NCALD: variants seen among roughly 807,000 people sequenced by gnomAD.
The protein encoded by NCALD is neurocalcin-delta.
A neutral mutation model predicts 18.6 loss-of-function variants in NCALD; 10 were observed. That is an observed-to-expected ratio of 0.54 (90% CI 0.33 to 0.91). The LOEUF (loss-of-function observed/expected upper bound fraction) is 0.91, where lower values mean the gene tolerates loss of function less well. Among genes scored for constraint, NCALD ranks in the 40% least tolerant of loss-of-function variants. The pLI is 0.03. For missense variants in NCALD, 184 were observed against 247.6 expected (o/e 0.74, Z 1.72); for synonymous variants, 88 against 87.4 (o/e 1.01, Z -0.04).
chr8:101,997,381 T>A (rs1256259402), intron 2 of NCALD, among the ~76,000 whole-genome samples: 3 of 152,160 alleles, frequency 2.0e-5, no homozygotes, highest in Admixed American at 6.5e-5. Context: ...CTTTTATTTT[T>A]TTTTTCCTGG....
At chr8:102,112,507 CCAAA>C (rs1825672329) in intron 1 of NCALD, among the ~76,000 whole-genome samples, 2 of 152,076 alleles carry the variant, frequency 1.3e-5, no homozygotes, top group South Asian at 2.1e-4. Flanking sequence ...TATCAACTAA[CCAAA>C]CAAATTGGCT....
Position 101,688,685 on chromosome 8 carries a change from C to T in NCALD, c.*624G>A, listed in dbSNP as rs1340427607. 3 of 470,530 alleles carry T rather than the reference C, an allele frequency of 6.4e-6. No homozygotes were observed. The highest frequency in any genetic ancestry group is 1.3e-5 in the Non-Finnish European group (3 of 236,702). 29.1% of individuals were successfully genotyped at this position (470,530 alleles called of 1,614,324 possible). A position where few individuals can be genotyped will look rare whatever the true frequency, so the allele number is the denominator to read the frequency against. On this transcript the variant is annotated 3_prime_UTR_variant, in exon 4 of 4. Coordinates refer to ENST00000220931, the MANE Select transcript of NCALD (RefSeq NM_032041.3). ...CGCATATTAGCTCAACTAGTGTAAA[C>T]CTGTGAAAAAATAGCTGAGCCATCT...
intron 1 of NCALD, among the ~76,000 whole-genome samples, chr8:102,021,089 T>C (rs1313480333): frequency 6.6e-6 from 1 of 152,226 alleles, no homozygotes; most frequent in Non-Finnish European, 1.5e-5. Flanking sequence ...ATTTTTTCTT[T>C]TGTAACATCA....
chr8:101,737,815 A>G (rs1246056540), intron 1 of NCALD, among the ~76,000 whole-genome samples: 1 of 152,202 alleles, frequency 6.6e-6, no homozygotes, highest in African/African-American at 2.4e-5. Context: ...AGCACTGAGA[A>G]AGGCGCTGGC....
At chr8:102,047,437 T>C (rs1823285920) in intron 1 of NCALD, among the ~76,000 whole-genome samples, 1 of 152,228 alleles carries the variant, frequency 6.6e-6, no homozygotes, top group South Asian at 2.1e-4. Flanking sequence ...AAAGGTTCTA[T>C]ATTTTCACCG....
intron 3 of NCALD, among the ~76,000 whole-genome samples, chr8:101,900,801 AATT>A (rs1284476789): frequency 7.2e-5 from 11 of 151,736 alleles, no homozygotes; most frequent in African/African-American, 2.7e-4. Context: ...TTTGTTAGTC[AATT>A]CTTCTGTTGT....
chr8:101,795,511 A>G (rs1311267356), upstream of NCALD, among the ~76,000 whole-genome samples: 1 of 152,210 alleles, frequency 6.6e-6, no homozygotes, highest in African/African-American at 2.4e-5. Flanking sequence ...ACAGGCACAC[A>G]GGACGAAGAC....
At position 101,688,818 on chromosome 8, in the gene NCALD, T is replaced by C; in HGVS notation, c.*491A>G. 1.6e-6 allele frequency: 1 copy of C among 629,504 alleles called. No homozygotes were observed. The allele number at this position is 629,504 out of a possible 1,614,324, so 39.0% of individuals were successfully genotyped here. On this transcript the variant is annotated 3_prime_UTR_variant, in exon 4 of 4. Transcript: ENST00000220931. ...CCCATGGGGAAATGTCCCAGCTCGC[T>C]GGAATAGCCTCACCCCAGAGGGTAA...
intron 4 of NCALD, among the ~76,000 whole-genome samples, chr8:101,844,624 G>T (rs1168961094): frequency 6.6e-6 from 1 of 151,952 alleles, no homozygotes; most frequent in Non-Finnish European, 1.5e-5. Flanking sequence ...GCCTCCCAAC[G>T]TGCTGGGATT....
intron 1 of NCALD, among the ~76,000 whole-genome samples, chr8:102,075,092 C>T (rs552796745): frequency 6.6e-6 from 1 of 152,248 alleles, no homozygotes; most frequent in South Asian, 2.1e-4. Flanking sequence ...GTCCCCTGGC[C>T]AGTTAGCTGT....
At chr8:101,859,760 T>G (rs1218183059) in intron 4 of NCALD, among the ~76,000 whole-genome samples, 2 of 152,166 alleles carry the variant, frequency 1.3e-5, no homozygotes, top group Non-Finnish European at 2.9e-5. Flanking sequence ...CAAGATGTCC[T>G]TGTTCTATTA....
At chr8:101,926,136 C>T (rs1433578508) in intron 2 of NCALD, among the ~76,000 whole-genome samples, 2 of 152,180 alleles carry the variant, frequency 1.3e-5, no homozygotes, top group Non-Finnish European at 2.9e-5. Flanking sequence ...CCCTCCTGGG[C>T]ATTTAAATCT....
intron 2 of NCALD, among the ~76,000 whole-genome samples, chr8:101,954,019 C>G (rs1219760551): frequency 6.6e-6 from 1 of 152,148 alleles, no homozygotes; most frequent in Non-Finnish European, 1.5e-5. Flanking sequence ...CTGTAGACAC[C>G]ATGGTGAGAA....
At chr8:102,104,624 T>A (rs1825388384) in intron 1 of NCALD, among the ~76,000 whole-genome samples, 1 of 152,112 alleles carries the variant, frequency 6.6e-6, no homozygotes, top group Non-Finnish European at 1.5e-5. Flanking sequence ...AAACCTTTAT[T>A]ACAGCTGTCC....
chr8:101,747,346 T>C (rs968184957), intron 1 of NCALD, among the ~76,000 whole-genome samples: 1 of 152,188 alleles, frequency 6.6e-6, no homozygotes, highest in Non-Finnish European at 1.5e-5. Flanking sequence ...TCCTTGCTAA[T>C]AAGATGGAAC....
In NCALD at chr8:101,688,137, T is replaced by C. The variant is rs537830540; in HGVS notation, c.*1172A>G. 8.3e-5 allele frequency: 13 copies of C among 156,438 alleles called. No individual in the cohort carries two copies. The highest frequency in any genetic ancestry group is 2.9e-4 in the African/African-American group (12 of 41,578). 9.7% of individuals were successfully genotyped at this position (156,438 alleles called of 1,614,324 possible). A position where few individuals can be genotyped will look rare whatever the true frequency, so the allele number is the denominator to read the frequency against. On this transcript the variant is annotated 3_prime_UTR_variant, in exon 4 of 4. Coordinates refer to ENST00000220931, the MANE Select transcript of NCALD (RefSeq NM_032041.3). Reference sequence around the variant, plus strand: ...TCGAGTCTGCAGAGTATTGATCTGCTCAGAAAAGCACCATGCCGCCAGTCT... The same window carrying C: ...TCGAGTCTGCAGAGTATTGATCTGCCCAGAAAAGCACCATGCCGCCAGTCT...
intron 4 of NCALD, among the ~76,000 whole-genome samples, chr8:101,827,135 C>A (rs1813969496): frequency 6.6e-6 from 1 of 152,192 alleles, no homozygotes; most frequent in African/African-American, 2.4e-5. Flanking sequence ...CCCTTCCTTG[C>A]CTCTTTCAGA....
chr8:101,988,588 A>T (rs4734050), intron 2 of NCALD, among the ~76,000 whole-genome samples: 23,170 of 152,208 alleles, frequency 0.15, 2,370 homozygotes, highest in African/African-American at 0.29. Flanking sequence ...GCCTGGCCTG[A>T]CTAAACATAT....
chr8:101,978,680 T>C (rs1392412947), intron 2 of NCALD, among the ~76,000 whole-genome samples: 1 of 152,132 alleles, frequency 6.6e-6, no homozygotes, highest in Non-Finnish European at 1.5e-5. Context: ...ACACTGTTTT[T>C]ATAGTAGCCT....
Sources: gnomAD v4.1 joint callset for allele counts (sites outside exome capture counted in the v4.1 genomes callset) on GRCh38, gnomAD v4.1.1 for gene constraint, MANE v1.5 for transcripts, NCBI Gene and HGNC (gene_info 2026-07-23, HGNC 2026-07-21) for gene names.